ASIC2: variants seen among roughly 807,000 people sequenced by gnomAD.
ASIC2 encodes acid-sensing ion channel 2.
ASIC2 carries 25 observed loss-of-function variants against 57.3 expected under a neutral mutation model. That is an observed-to-expected ratio of 0.44 (90% CI 0.32 to 0.61). The LOEUF (loss-of-function observed/expected upper bound fraction) is 0.61. Among genes scored for constraint, ASIC2 ranks in the 20% least tolerant of loss-of-function variants. The probability of loss-of-function intolerance (pLI) is 0.06; values close to 1 mark genes in which losing one functional copy is unlikely to be tolerated. For missense variants in ASIC2, 641 were observed against 738.1 expected, an observed-to-expected ratio of 0.87 and a Z score of 1.52; for synonymous variants, 319 against 307.5, an observed-to-expected ratio of 1.04 and a Z score of -0.39.
intron 1 of ASIC2, among the ~76,000 whole-genome samples, chr17:34,132,385 G>C (rs565922648): frequency 6.6e-6 from 1 of 152,164 alleles, no homozygotes; most frequent in Non-Finnish European, 1.5e-5. Context: ...GACGGGTTGC[G>C]GCTGCTGGCT....
intron 3 of ASIC2, among the ~76,000 whole-genome samples, chr17:33,061,840 C>G (rs1330862800): frequency 6.6e-6 from 1 of 152,142 alleles, no homozygotes; most frequent in African/African-American, 2.4e-5. Flanking sequence ...AATTTCAGAG[C>G]CTGTTATTGG....
chr17:34,106,921 T>G (rs1303174243), intron 1 of ASIC2, among the ~76,000 whole-genome samples: 6 of 152,144 alleles, frequency 3.9e-5, no homozygotes, highest in Non-Finnish European at 8.8e-5. Flanking sequence ...CAGGAGTATA[T>G]TTGCTTCTTG....
At position 33,756,051 on chromosome 17, in the gene ASIC2, C is replaced by T. The variant is rs116205185; in HGVS notation, c.555+399927G>A. On this transcript the variant is annotated intron_variant, in intron 1 of 9. Coordinates refer to the ASIC2 transcript ENST00000359872. ...ACACCCAGCCGGCAGCTCTGCTTCC[C>T]GTTTTCCCTGTAATTGAACATTGCA... Among the ~76,000 whole-genome samples, 450 of 152,356 alleles carry T rather than the reference C, an allele frequency of 3.0e-3. 1 individual carries two copies. Among genetic ancestry groups the T allele is most frequent in the African/African-American group, 0.01 (432 of 41,584 alleles).
At chr17:33,424,536 G>A (rs970859497) in intron 1 of ASIC2, among the ~76,000 whole-genome samples, 3 of 152,188 alleles carry the variant, frequency 2.0e-5, no homozygotes, top group Non-Finnish European at 4.4e-5. Context: ...TTGCACATTG[G>A]GTAGCCTGAA....
intron 1 of ASIC2, among the ~76,000 whole-genome samples, chr17:33,694,129 T>G (rs1451736608): frequency 3.3e-5 from 5 of 151,958 alleles, no homozygotes; most frequent in Non-Finnish European, 7.4e-5. Flanking sequence ...CTTTCCAGAG[T>G]GTGAGAAAGA....
intron 1 of ASIC2, among the ~76,000 whole-genome samples, chr17:33,397,060 T>C (rs1461151735): frequency 2.6e-5 from 4 of 152,246 alleles, no homozygotes; most frequent in Non-Finnish European, 5.9e-5. Context: ...CATCCCTCTG[T>C]GCTGTGGGGT....
intron 1 of ASIC2, among the ~76,000 whole-genome samples, chr17:33,835,726 A>G (rs755245299): frequency 6.6e-6 from 1 of 152,180 alleles, no homozygotes; most frequent in Non-Finnish European, 1.5e-5. Context: ...AAAATATACT[A>G]TTTCAATCAC....
chr17:33,443,575 G>A (rs1179452447), intron 1 of ASIC2, among the ~76,000 whole-genome samples: 4 of 64,246 alleles, frequency 6.2e-5, no homozygotes, highest in South Asian at 5.9e-4. Flanking sequence ...CACTACGCCC[G>A]GCTAATTTTT....
chr17:33,451,660 C>A (rs374241675), intron 1 of ASIC2, among the ~76,000 whole-genome samples: 3 of 152,238 alleles, frequency 2.0e-5, no homozygotes, highest in South Asian at 4.2e-4. Flanking sequence ...CTCTTTCATC[C>A]ACTTTTATTC....
At chr17:33,526,013 C>T (rs1914875853) in intron 1 of ASIC2, among the ~76,000 whole-genome samples, 1 of 152,132 alleles carries the variant, frequency 6.6e-6, no homozygotes, top group Admixed American at 6.5e-5. Flanking sequence ...TCTCTAGTCT[C>T]TTCCTGAAGA....
chr17:33,340,804 T>G (rs551900310), intron 1 of ASIC2, among the ~76,000 whole-genome samples: 1 of 152,234 alleles, frequency 6.6e-6, no homozygotes, highest in African/African-American at 2.4e-5. Flanking sequence ...AATGAATATG[T>G]TCACGTGTGT....
At chr17:33,232,450 G>GTATGA (rs1908135878) in intron 1 of ASIC2, among the ~76,000 whole-genome samples, 2 of 129,260 alleles carry the variant, frequency 1.5e-5, no homozygotes, top group African/African-American at 6.9e-5. Flanking sequence ...GTATGGAATG[G>GTATGA]TATGGTATGG....
chr17:33,255,190 C>A (rs1226966456), intron 1 of ASIC2, among the ~76,000 whole-genome samples: 3 of 151,860 alleles, frequency 2.0e-5, no homozygotes, highest in African/African-American at 4.8e-5. Flanking sequence ...CAGGTATGCA[C>A]CACCACACTT....
chr17:33,729,480 G>T (rs76505830), intron 1 of ASIC2, among the ~76,000 whole-genome samples: 1 of 152,114 alleles, frequency 6.6e-6, no homozygotes, highest in African/African-American at 2.4e-5. Context: ...TCATTACCCC[G>T]TGTTGGATTG....
At chr17:33,556,443 T>C (rs1219026683) in intron 1 of ASIC2, among the ~76,000 whole-genome samples, 1 of 152,212 alleles carries the variant, frequency 6.6e-6, no homozygotes, top group East Asian at 1.9e-4. Context: ...TACAGTTGAT[T>C]TCTTTCCTGT....
chr17:34,023,190 C>A (rs1907246785), intron 1 of ASIC2, among the ~76,000 whole-genome samples: 2 of 152,054 alleles, frequency 1.3e-5, no homozygotes, highest in Admixed American at 1.3e-4. Context: ...TCTATTCATG[C>A]CCCAAATCAA....
At chr17:33,963,276 T>C (rs1904981627) in intron 1 of ASIC2, among the ~76,000 whole-genome samples, 1 of 152,154 alleles carries the variant, frequency 6.6e-6, no homozygotes, top group Admixed American at 6.5e-5. Context: ...TGCATCGCTG[T>C]TTTCTGGGTG....
chr17:33,145,474 C>G (rs1325932272), intron 1 of ASIC2, among the ~76,000 whole-genome samples: 3 of 152,218 alleles, frequency 2.0e-5, no homozygotes, highest in Non-Finnish European at 4.4e-5. Context: ...CCTTGCCCAG[C>G]CCTAGAGGGT....
At chr17:34,029,061 A>T (rs138574314) in intron 1 of ASIC2, among the ~76,000 whole-genome samples, 1 of 152,108 alleles carries the variant, frequency 6.6e-6, no homozygotes, top group African/African-American at 2.4e-5. Context: ...GTCTTCCTTG[A>T]TCATCCCCCT....
Sources: allele counts gnomAD v4.1 joint callset (sites outside exome capture counted in the v4.1 genomes callset), GRCh38; gene constraint gnomAD v4.1.1; transcripts MANE v1.5; gene names NCBI Gene and HGNC (gene_info 2026-07-23, HGNC 2026-07-21).